The following TMEM117 variants were observed in gnomAD, a reference collection of about 807,000 sequenced individuals.
TMEM117 encodes the protein transmembrane protein 117.
Under a neutral mutation model 52.4 loss-of-function variants are expected in TMEM117, and 27 were observed. The observed-to-expected ratio is 0.51, with a 90% CI of 0.38 to 0.71. TMEM117 has a LOEUF of 0.71. Ranked by LOEUF, TMEM117 falls within the 30% of genes least tolerant of loss-of-function variation. The pLI, the probability that TMEM117 is intolerant of heterozygous loss-of-function variation, is 0.00. For synonymous variants in TMEM117, 215 were observed against 206.3 expected, an observed-to-expected ratio of 1.04 and a Z score of -0.36; for missense variants, 556 against 630.5, an observed-to-expected ratio of 0.88 and a Z score of 1.26.
chr12:44,333,440 C>T (rs1351994376), intron 6 of TMEM117, among the ~76,000 whole-genome samples: 1 of 151,916 alleles, frequency 6.6e-6, no homozygotes, highest in Admixed American at 6.6e-5. Context: ...ATTGTAGTTC[C>T]CATAAGCCTG....
chr12:44,148,905 A>G (rs78212258), intron 4 of TMEM117, among the ~76,000 whole-genome samples: 7,504 of 152,222 alleles, frequency 0.049, 612 homozygotes, highest in African/African-American at 0.17. Flanking sequence ...CTAGAATCCT[A>G]TAAAGGTGGA....
chr12:44,346,970 C>A (rs913012543), intron 6 of TMEM117, among the ~76,000 whole-genome samples: 3 of 151,972 alleles, frequency 2.0e-5, no homozygotes, highest in African/African-American at 7.2e-5. Context: ...TTAGTTTTAA[C>A]CACTTTTTTT....
chr12:44,254,858 T>C (rs1950240520), intron 5 of TMEM117, among the ~76,000 whole-genome samples: 1 of 151,904 alleles, frequency 6.6e-6, no homozygotes, highest in Non-Finnish European at 1.5e-5. Context: ...CCTTCCTGTG[T>C]CCATGTATTC....
intron 2 of TMEM117, among the ~76,000 whole-genome samples, chr12:43,906,292 A>G (rs1349590815): frequency 6.6e-6 from 1 of 151,942 alleles, no homozygotes; most frequent in Admixed American, 6.6e-5. Flanking sequence ...GTGAAACCTC[A>G]TCTCTACTAA....
At chr12:44,369,742 C>T (rs1385183474) in intron 6 of TMEM117, among the ~76,000 whole-genome samples, 1 of 152,108 alleles carries the variant, frequency 6.6e-6, no homozygotes, top group African/African-American at 2.4e-5. Flanking sequence ...GGTATGCCAT[C>T]TTTACTACTT....
At chr12:43,798,322 T>G in the TMEM117 span, among the ~76,000 whole-genome samples, 4 of 152,066 alleles carry the variant, frequency 2.6e-5, no homozygotes, top group African/African-American at 9.7e-5. Flanking sequence ...GTTCCAGACT[T>G]AAGAGATTTC....
At chr12:44,122,227 G>A (rs945937855) in intron 3 of TMEM117, among the ~76,000 whole-genome samples, 1 of 151,712 alleles carries the variant, frequency 6.6e-6, no homozygotes, top group African/African-American at 2.4e-5. Context: ...TGTATTTTTA[G>A]TAGAGACGGG....
At chr12:44,133,725 T>A in intron 3 of TMEM117, among the ~76,000 whole-genome samples, 1 of 152,170 alleles carries the variant, frequency 6.6e-6, no homozygotes. Flanking sequence ...GAGATGTCCC[T>A]TGGGCTTTAG....
chr12:44,045,645 C>T (rs1161463128), intron 3 of TMEM117, among the ~76,000 whole-genome samples: 6 of 152,076 alleles, frequency 3.9e-5, no homozygotes, highest in Non-Finnish European at 7.4e-5. Flanking sequence ...GAGTTCAAGA[C>T]CAGCCTGGCC....
chr12:43,991,257 T>G (rs911182608), intron 3 of TMEM117, among the ~76,000 whole-genome samples: 4 of 152,190 alleles, frequency 2.6e-5, no homozygotes, highest in Non-Finnish European at 5.9e-5. Context: ...ATGTTAGTAT[T>G]ATTAGGGGCC....
At chr12:44,223,317 T>C (rs1949815623) in intron 5 of TMEM117, among the ~76,000 whole-genome samples, 1 of 152,080 alleles carries the variant, frequency 6.6e-6, no homozygotes, top group African/African-American at 2.4e-5. Flanking sequence ...CCATATGAAT[T>C]TCTTTACACG....
intron 6 of TMEM117, among the ~76,000 whole-genome samples, chr12:44,348,673 G>A (rs536215456): frequency 6.6e-6 from 1 of 151,902 alleles, no homozygotes; most frequent in African/African-American, 2.4e-5. Flanking sequence ...AAGAATAATG[G>A]GAAGGGCATT....
intron 3 of TMEM117, among the ~76,000 whole-genome samples, chr12:43,978,351 A>C (rs1179016870): frequency 2.6e-5 from 4 of 152,202 alleles, no homozygotes; most frequent in African/African-American, 4.8e-5. Flanking sequence ...GAGCTGTTTC[A>C]AGGTTCTGCA....
At chr12:43,830,087 CAAAA>C in the TMEM117 span, among the ~76,000 whole-genome samples, 4 of 72,510 alleles carry the variant, frequency 5.5e-5, no homozygotes, top group Admixed American at 1.5e-4. Flanking sequence ...GACTCTGTCT[CAAAA>C]AAAAAAAAAA....
intron 6 of TMEM117, among the ~76,000 whole-genome samples, chr12:44,354,184 A>G (rs1484473000): frequency 6.6e-6 from 1 of 152,116 alleles, no homozygotes; most frequent in African/African-American, 2.4e-5. Context: ...CAGCTGAAGG[A>G]GATTTTGGGC....
intron 2 of TMEM117, among the ~76,000 whole-genome samples, chr12:43,905,987 C>T (rs1171016691): frequency 3.3e-5 from 5 of 152,132 alleles, no homozygotes; most frequent in Non-Finnish European, 7.4e-5. Flanking sequence ...TTCATTTTAA[C>T]CAAATATTTA....
the TMEM117 span, chr12:43,806,412 C>G: frequency 8.6e-7 from 1 of 1,156,072 alleles, no homozygotes; most frequent in Admixed American, 4.8e-5. Context: ...TCCCCGCCGC[C>G]CCGCCGCCCT....
intron 3 of TMEM117, among the ~76,000 whole-genome samples, chr12:44,063,890 G>T (rs1245902297): frequency 6.6e-6 from 1 of 152,152 alleles, no homozygotes; most frequent in Non-Finnish European, 1.5e-5. Flanking sequence ...CGAAGGAGCT[G>T]TAAATTAATA....
At chr12:43,881,733 G>A (rs1014480255) in intron 2 of TMEM117, among the ~76,000 whole-genome samples, 1 of 143,958 alleles carries the variant, frequency 6.9e-6, no homozygotes, top group African/African-American at 2.6e-5. Flanking sequence ...AGGTTGCGGT[G>A]AGCTGAGATG....
Sources: allele counts gnomAD v4.1 joint callset (sites outside exome capture counted in the v4.1 genomes callset), GRCh38; gene constraint gnomAD v4.1.1; transcripts MANE v1.5; gene names NCBI Gene and HGNC (gene_info 2026-07-23, HGNC 2026-07-21).